The following BDKRB2 variants were observed in gnomAD, a reference collection of about 807,000 sequenced individuals.
The protein encoded by BDKRB2 is B2 bradykinin receptor.
A neutral mutation model predicts 4.0 loss-of-function variants in BDKRB2; 6 were observed. That is an observed-to-expected ratio of 1.49 (90% CI 0.81 to 2.93). The LOEUF (loss-of-function observed/expected upper bound fraction) is 2.93, where lower values mean the gene tolerates loss of function less well. Among genes scored for constraint, BDKRB2 ranks in the 30% most tolerant of loss-of-function variants. The pLI is 0.00. For synonymous variants in BDKRB2, 225 were observed against 215.3 expected, an observed-to-expected ratio of 1.05 and a Z score of -0.40; for missense variants, 478 against 520.1, an observed-to-expected ratio of 0.92 and a Z score of 0.79.
chr14:96,237,953 CTCCAAG>C, intron 2 of BDKRB2: 2 of 1,206,246 alleles, frequency 1.7e-6, no homozygotes, highest in Non-Finnish European at 1.1e-6. Context: ...ATGACAGACT[CTCCAAG>C]CCAGGGGTAT....
rs986354720 is a variant in BDKRB2, at chr14:96,204,950, T to C, written c.-49T>C. 1.2e-5 allele frequency: 3 copies of C among 241,458 alleles called. No individual in the cohort carries two copies. Among genetic ancestry groups the C allele is most frequent in the Non-Finnish European group, 2.6e-5 (3 of 114,250 alleles). 15.0% of individuals were successfully genotyped at this position (241,458 alleles called of 1,614,324 possible). On this transcript the variant is annotated 5_prime_UTR_variant, in exon 1 of 3. Transcript: ENST00000554311. Reference sequence around the variant, plus strand: ...CGACTGAAGTGCCCATGCCGCTTGCTCCGGAGAAGGTGGGTGCCGGGCAGG... The same window carrying C: ...CGACTGAAGTGCCCATGCCGCTTGCCCCGGAGAAGGTGGGTGCCGGGCAGG...
intron 1 of BDKRB2, among the ~76,000 whole-genome samples, chr14:96,230,313 G>GCATA (rs1890788961): frequency 6.6e-6 from 1 of 152,258 alleles, no homozygotes; most frequent in African/African-American, 2.4e-5. Flanking sequence ...GTTGGATGTG[G>GCATA]CATACATAAA....
chr14:96,212,636 C>T (rs185148459), intron 1 of BDKRB2, among the ~76,000 whole-genome samples: 33 of 152,122 alleles, frequency 2.2e-4, no homozygotes, highest in African/African-American at 7.2e-4. Context: ...GGTGGCGGCT[C>T]ACTTGGGTGG....
intron 1 of BDKRB2, among the ~76,000 whole-genome samples, chr14:96,213,854 A>G (rs975023774): frequency 3.9e-5 from 6 of 152,126 alleles, no homozygotes; most frequent in Non-Finnish European, 8.8e-5. Flanking sequence ...CCTAGAGGGG[A>G]GACAGAGCTA....
intron 2 of BDKRB2, chr14:96,238,249 G>C (rs1199541464): frequency 2.2e-6 from 1 of 452,516 alleles, no homozygotes; most frequent in Non-Finnish European, 2.9e-6. Context: ...CCATGTGGCT[G>C]CTTGAGTATC....
chr14:96,222,898 T>C (rs555757701), intron 1 of BDKRB2, among the ~76,000 whole-genome samples: 1 of 152,272 alleles, frequency 6.6e-6, no homozygotes, highest in East Asian at 1.9e-4. Context: ...CTTTTTTTAA[T>C]GTGGCTACTA....
chr14:96,205,788 C>T (rs562702520), intron 1 of BDKRB2, among the ~76,000 whole-genome samples: 20 of 152,334 alleles, frequency 1.3e-4, no homozygotes, highest in Non-Finnish European at 2.5e-4. Context: ...CTGTGAAGCA[C>T]CACGTATGTC....
At chr14:96,206,698 T>G (rs1890187170) in intron 1 of BDKRB2, among the ~76,000 whole-genome samples, 1 of 152,238 alleles carries the variant, frequency 6.6e-6, no homozygotes, top group South Asian at 2.1e-4. Context: ...AGAGGTAACA[T>G]TAGGGCGGCC....
At chr14:96,229,052 T>C (rs745889382) in intron 1 of BDKRB2, among the ~76,000 whole-genome samples, 2 of 152,114 alleles carry the variant, frequency 1.3e-5, no homozygotes, top group Non-Finnish European at 2.9e-5. Flanking sequence ...TCCTTTTGCC[T>C]CCACCCAGCA....
At chr14:96,237,568 C>G (rs1031848204) in intron 2 of BDKRB2, 2 of 1,118,072 alleles carry the variant, frequency 1.8e-6, no homozygotes, top group Non-Finnish European at 2.3e-6. Context: ...GGTGGGAGAT[C>G]AGAACACCCT....
At chr14:96,225,312 T>C (rs4144132) in intron 1 of BDKRB2, among the ~76,000 whole-genome samples, 30,072 of 152,026 alleles carry the variant, frequency 0.2, 3,068 homozygotes, top group African/African-American at 0.25. Context: ...CCTACGACCC[T>C]TAGACAATAT....
rs1022152493 is a variant in BDKRB2 at position 96,241,093 on chromosome 14, G to A, written c.765G>A (p.Glu255=). Residue 255 remains glutamate, a synonymous_variant, in exon 3 of 3, where the codon GAG becomes GAA. Transcript: ENST00000554311. Reference sequence around the variant, plus strand: ...TCATGCAGGTGCTGCGGAACAACGAGATGCAGAAGTTCAAGGAGATCCAGA... The same window carrying A: ...TCATGCAGGTGCTGCGGAACAACGAAATGCAGAAGTTCAAGGAGATCCAGA... ...MQIMQVLRNN[E]MQKFKEIQTE... The A allele has an allele frequency of 4.3e-6, 7 of 1,613,828 alleles. No homozygotes were observed. The African/African-American group carries it at 9.3e-5, about 22-fold the overall frequency.
chr14:96,223,324 C>G, intron 1 of BDKRB2: 2 of 1,052,280 alleles, frequency 1.9e-6, no homozygotes, highest in Non-Finnish European at 3.0e-6. Flanking sequence ...CCGGCGCCCA[C>G]CACCCAAGAA....
At chr14:96,228,733 G>C (rs1426074363) in intron 1 of BDKRB2, among the ~76,000 whole-genome samples, 1 of 152,208 alleles carries the variant, frequency 6.6e-6, no homozygotes. Flanking sequence ...GCCCAGGCTT[G>C]TGGGTGGGGC....
chr14:96,232,395 T>C (rs891430095), intron 1 of BDKRB2, among the ~76,000 whole-genome samples: 1 of 152,232 alleles, frequency 6.6e-6, no homozygotes, highest in African/African-American at 2.4e-5. Context: ...TAATGCACGT[T>C]TCCAGCTAGA....
chr14:96,240,679 C>T lies in BDKRB2; in HGVS notation c.351C>T (p.Ile117=), dbSNP rs1417325589. 1.9e-6 allele frequency: 3 copies of T among 1,593,730 alleles called. No homozygotes were observed. The highest frequency in any genetic ancestry group is 2.6e-6 in the Non-Finnish European group (3 of 1,171,226). ...ACGLPFWAIT[I]SNNFDWLFGE... ...GGCTGCCCTTCTGGGCCATCACCAT[C>T]TCCAACAACTTCGACTGGCTCTTTG... The change falls in exon 3 of 3, where the codon ATC becomes ATT. Residue 117 remains isoleucine, a synonymous_variant. Coordinates refer to ENST00000554311, the MANE Select transcript of BDKRB2 (RefSeq NM_001379692.1).
chr14:96,230,583 C>T (rs1262153035), intron 1 of BDKRB2, among the ~76,000 whole-genome samples: 5 of 146,160 alleles, frequency 3.4e-5, no homozygotes, highest in African/African-American at 7.7e-5. Context: ...TTAGTAGAGA[C>T]GGGGCTTAAT....
intron 1 of BDKRB2, among the ~76,000 whole-genome samples, chr14:96,227,635 A>G (rs1280613466): frequency 6.6e-6 from 1 of 150,898 alleles, no homozygotes; most frequent in Admixed American, 6.6e-5. Context: ...ACACATATAT[A>G]CACACACCAA....
At chr14:96,212,618 GA>G (rs1890326686) in intron 1 of BDKRB2, among the ~76,000 whole-genome samples, 1 of 152,122 alleles carries the variant, frequency 6.6e-6, no homozygotes, top group African/African-American at 2.4e-5. Flanking sequence ...TGATGGCAGA[GA>G]TCAGTGGGTG....
Sources: gnomAD v4.1 joint callset for allele counts (sites outside exome capture counted in the v4.1 genomes callset) on GRCh38, gnomAD v4.1.1 for gene constraint, MANE v1.5 for transcripts, NCBI Gene and HGNC (gene_info 2026-07-23, HGNC 2026-07-21) for gene names.